LRP1B: variants seen among roughly 807,000 people sequenced by gnomAD.
LRP1B encodes LDL receptor related protein 1B.
A neutral mutation model predicts 556.6 loss-of-function variants in LRP1B; 217 were observed. The ratio of observed to expected loss-of-function variants is 0.39; its 90% CI spans 0.35 to 0.44. The LOEUF is 0.44. Among genes scored for constraint, LRP1B ranks in the 20% least tolerant of loss-of-function variants. LRP1B has a pLI of 1.00. For synonymous variants in LRP1B, 2,047 were observed against 1,865.8 expected (o/e 1.10, Z -2.50); for missense variants, 5,053 against 5,620.8 (o/e 0.90, Z 3.23).
rs1380482929 is a variant in LRP1B at position 140,316,109 on chromosome 2, CT to C, written c.12641-1011del. ...TGGAATCATTTTCTAGGTTATTTTG[CT>C]GTGCATATTGGCATGGCCTTCTCCG... On this transcript the variant is annotated intron_variant, in intron 82 of 90. Coordinates refer to ENST00000389484, the MANE Select transcript of LRP1B (RefSeq NM_018557.3). Among the ~76,000 whole-genome samples the C allele has an allele frequency of 1.2e-4, 18 of 152,220 alleles. 1 individual carries two copies. Among genetic ancestry groups the C allele is most frequent in the Admixed American group, 9.8e-4 (15 of 15,272 alleles).
intron 79 of LRP1B, among the ~76,000 whole-genome samples, chr2:140,330,552 C>G (rs1351458490): frequency 1.3e-5 from 2 of 152,006 alleles, no homozygotes; most frequent in African/African-American, 4.8e-5. Flanking sequence ...CCCTTCCTTA[C>G]ACCTTATACA....
At chr2:140,579,124 T>A (rs1413911390) in intron 43 of LRP1B, among the ~76,000 whole-genome samples, 2 of 152,088 alleles carry the variant, frequency 1.3e-5, no homozygotes, top group African/African-American at 4.8e-5. Context: ...TTGAACTAAG[T>A]AAGAAAATTG....
At chr2:141,398,226 A>G (rs1690315960) in intron 3 of LRP1B, among the ~76,000 whole-genome samples, 1 of 152,224 alleles carries the variant, frequency 6.6e-6, no homozygotes, top group African/African-American at 2.4e-5. Flanking sequence ...AACTCAGCAA[A>G]TAATATTTGG....
At chr2:141,535,195 A>C (rs1201764982) in intron 2 of LRP1B, among the ~76,000 whole-genome samples, 2 of 152,154 alleles carry the variant, frequency 1.3e-5, no homozygotes, top group Non-Finnish European at 2.9e-5. Flanking sequence ...TTGACTGAGC[A>C]GACCTCTCTG....
At chr2:140,800,046 C>A (rs1690453144) in intron 32 of LRP1B, among the ~76,000 whole-genome samples, 1 of 152,156 alleles carries the variant, frequency 6.6e-6, no homozygotes, top group Admixed American at 6.6e-5. Flanking sequence ...GGCACATATA[C>A]ACCATGGAAT....
chr2:141,131,113 G>A (rs1001709959), intron 7 of LRP1B, among the ~76,000 whole-genome samples: 1 of 151,968 alleles, frequency 6.6e-6, no homozygotes, highest in Non-Finnish European at 1.5e-5. Context: ...AACATGTTCT[G>A]CACTTGTATC....
At chr2:141,083,809 G>T (rs1574056855) in intron 7 of LRP1B, among the ~76,000 whole-genome samples, 1 of 152,188 alleles carries the variant, frequency 6.6e-6, no homozygotes, top group East Asian at 1.9e-4. Context: ...AGTCCTCATT[G>T]GCAAGAGGGC....
At chr2:141,534,697 C>T (rs546093673) in intron 2 of LRP1B, among the ~76,000 whole-genome samples, 1 of 152,188 alleles carries the variant, frequency 6.6e-6, no homozygotes, top group South Asian at 2.1e-4. Context: ...AGATAGGGAG[C>T]TTTTTACTGG....
chr2:141,230,638 T>C (rs1683424539), intron 5 of LRP1B, among the ~76,000 whole-genome samples: 1 of 152,216 alleles, frequency 6.6e-6, no homozygotes, highest in African/African-American at 2.4e-5. Flanking sequence ...ACTCTTACTC[T>C]TGTTCGTCTC....
chr2:141,782,442 T>A (rs1228571288), intron 2 of LRP1B, among the ~76,000 whole-genome samples: 1 of 151,912 alleles, frequency 6.6e-6, no homozygotes, highest in African/African-American at 2.4e-5. Context: ...AAGACTAGAA[T>A]TTAATCATTT....
intron 7 of LRP1B, among the ~76,000 whole-genome samples, chr2:141,150,866 GGTTTGTGT>G (rs913844345): frequency 2.2e-4 from 10 of 45,814 alleles, no homozygotes; most frequent in East Asian, 9.7e-4. Context: ...TTGTCATGCT[GGTTTGTGT>G]GTGTGTGTGT....
At chr2:140,504,709 C>T (rs1054172098) in intron 53 of LRP1B, among the ~76,000 whole-genome samples, 3 of 152,164 alleles carry the variant, frequency 2.0e-5, no homozygotes, top group African/African-American at 7.2e-5. Flanking sequence ...ACCAAGTCAT[C>T]CAAGCTAGAA....
At chr2:141,643,252 A>G (rs1689413415) in intron 2 of LRP1B, among the ~76,000 whole-genome samples, 1 of 152,126 alleles carries the variant, frequency 6.6e-6, no homozygotes. Context: ...TTTACTGGCA[A>G]TGCAATAATT....
rs189921597 is a variant in LRP1B, at chr2:141,173,445, G to T, written c.1013+14976C>A. On this transcript the variant is annotated intron_variant, in intron 7 of 90. Coordinates refer to ENST00000389484, the MANE Select transcript of LRP1B (RefSeq NM_018557.3). Reference sequence around the variant, plus strand: ...AAGCATACATGACTCAGGAGAAATGGAACCCACCTCCAGATTGTGGGATGA... The same window carrying T: ...AAGCATACATGACTCAGGAGAAATGTAACCCACCTCCAGATTGTGGGATGA... Among the ~76,000 whole-genome samples, 313 of 152,128 alleles carry T rather than the reference G, an allele frequency of 2.1e-3. 1 individual carries two copies. Among genetic ancestry groups the T allele is most frequent in the Admixed American group, 5.2e-3 (79 of 15,262 alleles).
intron 31 of LRP1B, among the ~76,000 whole-genome samples, chr2:140,837,317 C>T (rs6718790): frequency 0.05 from 7,571 of 152,108 alleles, 201 homozygotes; most frequent in Middle Eastern, 0.085. Flanking sequence ...ATTTAGGTTC[C>T]TGTGCCCCTT....
chr2:140,337,551 T>G (rs1264407448), intron 77 of LRP1B, among the ~76,000 whole-genome samples: 12 of 151,902 alleles, frequency 7.9e-5, no homozygotes, highest in Non-Finnish European at 1.5e-4. Context: ...CATGTGCATG[T>G]CAGTGTGAAT....
intron 18 of LRP1B, among the ~76,000 whole-genome samples, chr2:140,954,204 C>T (rs139902024): frequency 2.6e-5 from 4 of 152,224 alleles, no homozygotes; most frequent in East Asian, 1.9e-4. Flanking sequence ...TCAGCACGAA[C>T]GTTGTCCGAA....
intron 2 of LRP1B, among the ~76,000 whole-genome samples, chr2:141,780,790 A>C (rs1272021294): frequency 6.6e-6 from 1 of 152,176 alleles, no homozygotes; most frequent in African/African-American, 2.4e-5. Context: ...TGCAAATGAA[A>C]TATCCCTAGA....
At position 141,532,486 on chromosome 2, in the gene LRP1B, C is replaced by T. The variant is rs149529507; in HGVS notation, c.206-51953G>A. Among the ~76,000 whole-genome samples the T allele has an allele frequency of 8.1e-4, 122 of 150,788 alleles. 3 individuals carry two copies. In the East Asian group the frequency reaches 0.012, roughly 15 times the overall value. ...TTAGAAGTTAGAAGAGTGATTATAACGACTCACTCAAAGTCATTTTTATTT... is the reference window on the plus strand; with the variant it reads ...TTAGAAGTTAGAAGAGTGATTATAATGACTCACTCAAAGTCATTTTTATTT... On this transcript the variant is annotated intron_variant, in intron 2 of 90. Transcript: ENST00000389484.
Sources: allele counts gnomAD v4.1 joint callset (sites outside exome capture counted in the v4.1 genomes callset), GRCh38; gene constraint gnomAD v4.1.1; transcripts MANE v1.5; gene names NCBI Gene and HGNC (gene_info 2026-07-23, HGNC 2026-07-21).